The following RTCB variants were observed in gnomAD, a reference collection of about 807,000 sequenced individuals.
The protein encoded by RTCB is RNA-splicing ligase RTCB.
Under a neutral mutation model 58.2 loss-of-function variants are expected in RTCB, and 32 were observed. The observed-to-expected ratio is 0.55, with a 90% CI of 0.41 to 0.74. RTCB has a LOEUF of 0.74. Among genes scored for constraint, RTCB ranks in the 30% least tolerant of loss-of-function variants. The pLI is 0.00. For missense variants in RTCB, 523 were observed against 639.0 expected (o/e 0.82, Z 1.96); for synonymous variants, 247 against 218.6 (o/e 1.13, Z -1.15).
intron 9 of RTCB, 109 bp from the exon 10 acceptor site, chr22:32,394,111 CTTCT>C: frequency 1.4e-5 from 9 of 640,414 alleles, no homozygotes; most frequent in South Asian, 3.7e-5. Context: ...GAAACCCAGA[CTTCT>C]TTTTTTTTTT....
chr22:32,408,697 T>C, intron 2 of RTCB, 58 bp downstream of exon 2: 1 of 1,285,502 alleles, frequency 7.8e-7, no homozygotes, highest in Non-Finnish European at 1.1e-6. Context: ...TTGCCACTTT[T>C]TCAGGCCACA....
At chr22:32,408,879 C>G in intron 1 of RTCB, 46 bp from the exon 2 acceptor site, 1 of 1,330,026 alleles carries the variant, frequency 7.5e-7, no homozygotes, top group Non-Finnish European at 1.1e-6. Context: ...ACATGCGCGG[C>G]AAGTGTAGGC....
At chr22:32,389,249 A>T (rs1933111163) in intron 11 of RTCB, among the ~76,000 whole-genome samples, 1 of 152,140 alleles carries the variant, frequency 6.6e-6, no homozygotes, top group Non-Finnish European at 1.5e-5. Context: ...CCCCTAGATG[A>T]ATATTTCATA....
intron 10 of RTCB, among the ~76,000 whole-genome samples, chr22:32,392,955 G>A (rs1010903576): frequency 2.6e-5 from 4 of 152,070 alleles, no homozygotes; most frequent in Admixed American, 1.3e-4. Context: ...TTTGTTTTTT[G>A]AGAAAGGGTC....
intron 4 of RTCB, among the ~76,000 whole-genome samples, chr22:32,402,997 G>A (rs979144691): frequency 2.6e-4 from 40 of 151,936 alleles, no homozygotes; most frequent in Admixed American, 9.2e-4. Flanking sequence ...CTCCTGCCTC[G>A]GCCTCCCAAG....
Position 32,401,731 on chromosome 22 carries a change from A to C in RTCB, c.497+16T>G, listed in dbSNP as rs768127346. ...TTATCCCTCCCATACCATGTACTGG[A>C]AACGTGTGCTCTTACTTGGCATTCA... is the stretch of plus-strand genomic sequence containing the variant. On this transcript the variant is annotated intron_variant, in intron 5 of 11. Coordinates refer to ENST00000216038, the MANE Select transcript of RTCB (RefSeq NM_014306.5). 3.7e-6 allele frequency: 6 copies of C among 1,613,282 alleles called. No homozygotes were observed. Among genetic ancestry groups the C allele is most frequent in the Non-Finnish European group, 4.2e-6 (5 of 1,179,470 alleles).
At chr22:32,389,764 T>C (rs1933120898) in intron 11 of RTCB, among the ~76,000 whole-genome samples, 1 of 152,216 alleles carries the variant, frequency 6.6e-6, no homozygotes, top group Non-Finnish European at 1.5e-5. Context: ...ATTTCTCTTG[T>C]AGATTCTTCT....
At chr22:32,401,316 G>A (rs74785843) in intron 5 of RTCB, among the ~76,000 whole-genome samples, 3,394 of 151,334 alleles carry the variant, frequency 0.022, 119 homozygotes, top group African/African-American at 0.077. Flanking sequence ...TTTTACTCCT[G>A]GACTCAAGTG....
chr22:32,388,207 A>C, intron 11 of RTCB, 108 bp from the exon 12 acceptor site: 1 of 663,132 alleles, frequency 1.5e-6, no homozygotes, highest in Non-Finnish European at 2.5e-6. Flanking sequence ...TAATACAGAG[A>C]GTTTTTTTTT....
rs371888781 is a variant in RTCB at position 32,396,200 on chromosome 22, G to A, written c.864C>T (p.Val288=). Residue 288 remains valine (V), a synonymous_variant, in exon 8 of 12, where the codon GTC becomes GTT. Transcript: ENST00000216038. ...GAGCACAAGCCAACTGCCGATCATT[G>A]ACTATAATCTTGTCTCTCTTCATGG... ...EKAMKRDKII[V]NDRQLACARI... The A allele has an allele frequency of 1.5e-5, 25 of 1,614,062 alleles. No individual in the cohort carries two copies. Among genetic ancestry groups the A allele is most frequent in the Admixed American group, 1.3e-4 (8 of 60,006 alleles).
In RTCB at chr22:32,400,307, T is replaced by C. The variant is rs117998014; in HGVS notation, c.498-548A>G. On this transcript the variant is annotated intron_variant, in intron 5 of 11. Transcript: ENST00000216038. The stretch of plus-strand genomic sequence containing the variant: ...TCTGAGTGGCTTACGGCACCTCCAT[T>C]TTGAAGCTGAGGTACACGTACATTA... 2.2e-3 allele frequency among the ~76,000 whole-genome samples: 332 copies of C among 152,184 alleles called. 4 individuals are homozygous for C. In the East Asian group the frequency reaches 0.051, roughly 23 times the overall value.
chr22:32,394,706 G>A (rs900499640), intron 9 of RTCB, among the ~76,000 whole-genome samples: 3 of 152,140 alleles, frequency 2.0e-5, no homozygotes, highest in Non-Finnish European at 2.9e-5. Context: ...CAAGAGGACA[G>A]GAGGAATGAA....
chr22:32,391,167 T>C (rs1048392061), intron 11 of RTCB, among the ~76,000 whole-genome samples: 3 of 152,188 alleles, frequency 2.0e-5, no homozygotes, highest in African/African-American at 4.8e-5. Context: ...AAGACACTCA[T>C]TACAATTTAA....
In RTCB at chr22:32,387,658, G is replaced by C. The variant is rs1933080424; in HGVS notation, c.*334C>G. On this transcript the variant is annotated 3_prime_UTR_variant, in exon 12 of 12. Coordinates refer to ENST00000216038, the MANE Select transcript of RTCB (RefSeq NM_014306.5). ...TGTAAACAGAGCTTGGTGTGAAGAA[G>C]ATCAATCTGATGGCTAAAGATCAGT... is the stretch of plus-strand genomic sequence containing the variant. 1 of 229,140 alleles carries C rather than the reference G, an allele frequency of 4.4e-6. No homozygotes were observed. Among genetic ancestry groups the C allele is most frequent in the Non-Finnish European group, 8.6e-6 (1 of 115,678 alleles). 14.2% of individuals were successfully genotyped at this position (229,140 alleles called of 1,614,324 possible).
chr22:32,400,837 G>A (rs918874607), intron 5 of RTCB, among the ~76,000 whole-genome samples: 11 of 152,144 alleles, frequency 7.2e-5, no homozygotes, highest in Admixed American at 2.6e-4. Context: ...ACACTATTCT[G>A]CTACTGAAGT....
chr22:32,408,082 T>C lies in RTCB; in HGVS notation c.240+93A>G, dbSNP rs962033833. On this transcript the variant is annotated intron_variant, in intron 3 of 11. Coordinates refer to ENST00000216038, the MANE Select transcript of RTCB (RefSeq NM_014306.5). ...GTTATGTCTGGCTGTCCAAAGGTCA[T>C]TGTCTAAATGACACCACTATCAGGC... The C allele has an allele frequency of 6.0e-6, 7 of 1,160,752 alleles. No homozygotes were observed. In the African/African-American group the frequency reaches 6.1e-5, roughly 10 times the overall value. The allele number at this position is 1,160,752 out of a possible 1,614,324, so 71.9% of individuals were successfully genotyped here.
At chr22:32,392,534 T>C in intron 10 of RTCB, 175 bp from the exon 11 acceptor site, 1 of 848,706 alleles carries the variant, frequency 1.2e-6, no homozygotes, top group Non-Finnish European at 1.9e-6. Flanking sequence ...GAGAATTCTT[T>C]GTTGGGAGGC....
intron 1 of RTCB, among the ~76,000 whole-genome samples, chr22:32,409,782 C>T (rs1484976275): frequency 6.6e-6 from 1 of 151,278 alleles, no homozygotes; most frequent in Non-Finnish European, 1.5e-5. Context: ...ATCTTCCTTT[C>T]AAGGAGCTCC....
At chr22:32,395,269 C>T in intron 8 of RTCB, 55 bp from the exon 9 acceptor site, 1 of 1,453,020 alleles carries the variant, frequency 6.9e-7, no homozygotes, top group Non-Finnish European at 9.5e-7. Context: ...TTATGTTCAG[C>T]TCTTCGTGAC....
Sources: gnomAD v4.1 joint callset for allele counts (sites outside exome capture counted in the v4.1 genomes callset) on GRCh38, gnomAD v4.1.1 for gene constraint, MANE v1.5 for transcripts, NCBI Gene and HGNC (gene_info 2026-07-23, HGNC 2026-07-21) for gene names.